ALPK2: variants seen among roughly 807,000 people sequenced by gnomAD.
ALPK2 encodes the protein alpha-protein kinase 2.
In ALPK2, 127 loss-of-function variants were observed where a neutral mutation model predicts 163.1. The ratio of observed to expected loss-of-function variants is 0.78; its 90% CI spans 0.67 to 0.90. The LOEUF (loss-of-function observed/expected upper bound fraction) is 0.90, where lower values mean the gene tolerates loss of function less well. Ranked by LOEUF, ALPK2 falls within the 40% of genes least tolerant of loss-of-function variation. The pLI is 0.00. For missense variants in ALPK2, 2,360 were observed against 2,589.6 expected (o/e 0.91, Z 1.92); for synonymous variants, 953 against 959.1 (o/e 0.99, Z 0.12).
intron 1 of ALPK2, among the ~76,000 whole-genome samples, chr18:58,621,770 T>C (rs1315774989): frequency 6.6e-6 from 1 of 152,210 alleles, no homozygotes; most frequent in East Asian, 1.9e-4. Context: ...TCTTTCTGGA[T>C]ACCTTGAATT....
intron 4 of ALPK2, among the ~76,000 whole-genome samples, chr18:58,553,063 A>G (rs1363396506): frequency 6.6e-6 from 1 of 152,164 alleles, no homozygotes; most frequent in Non-Finnish European, 1.5e-5. Flanking sequence ...GATTGGATTA[A>G]TGTTGGCTCC....
intron 10 of ALPK2, among the ~76,000 whole-genome samples, chr18:58,506,592 G>T (rs534306385): frequency 6.6e-6 from 1 of 152,256 alleles, no homozygotes; most frequent in East Asian, 1.9e-4. Flanking sequence ...GAGGGCAGAG[G>T]TGACTAAGAC....
At chr18:58,526,682 C>A (rs915413864) in intron 6 of ALPK2, among the ~76,000 whole-genome samples, 2 of 152,244 alleles carry the variant, frequency 1.3e-5, no homozygotes, top group Non-Finnish European at 2.9e-5. Context: ...CACTGCTACA[C>A]AGAGACTCAA....
chr18:58,606,081 A>G (rs962294048), intron 3 of ALPK2, among the ~76,000 whole-genome samples: 1 of 152,140 alleles, frequency 6.6e-6, no homozygotes, highest in Non-Finnish European at 1.5e-5. Context: ...ATTTATTTAC[A>G]TATTTACTTA....
At chr18:58,577,592 G>A (rs1456767783) in intron 4 of ALPK2, among the ~76,000 whole-genome samples, 2 of 152,240 alleles carry the variant, frequency 1.3e-5, no homozygotes, top group Non-Finnish European at 2.9e-5. Context: ...GGTCATTGGT[G>A]TGTGAGCTGC....
intron 4 of ALPK2, among the ~76,000 whole-genome samples, chr18:58,569,905 C>T (rs1486315922): frequency 3.3e-5 from 5 of 151,492 alleles, no homozygotes; most frequent in East Asian, 1.9e-4. Context: ...CTGAGGTGGG[C>T]GGATCACAAT....
chr18:58,509,853 T>C (rs2051481031), intron 10 of ALPK2, among the ~76,000 whole-genome samples: 1 of 151,558 alleles, frequency 6.6e-6, no homozygotes, highest in Non-Finnish European at 1.5e-5. Context: ...ACTCTGATGG[T>C]AGTTTCTTTT....
intron 1 of ALPK2, among the ~76,000 whole-genome samples, chr18:58,616,659 C>T (rs2144237564): frequency 6.6e-6 from 1 of 152,344 alleles, no homozygotes; most frequent in South Asian, 2.1e-4. Flanking sequence ...CACATCCCAA[C>T]TCCATGGGGA....
chr18:58,534,890 G>A lies in ALPK2; in HGVS notation c.5297C>T (p.Ser1766Leu). The change falls in exon 5 of 13, where the codon TCA becomes TTA. Residue 1766 changes from serine to leucine, a missense_variant. Coordinates refer to ENST00000361673, the MANE Select transcript of ALPK2 (RefSeq NM_052947.4). The part of the protein sequence containing the change: ...KKMPKLETSL[S>L]HTEEKQDPKK... ...TGGGTCTTGTTTCTCTTCTGTGTGT[G>A]ATAATGATGTTTCGAGTTTGGGCAT... 7 of 1,614,040 alleles carry A rather than the reference G, an allele frequency of 4.3e-6. No homozygotes were observed. The highest frequency in any genetic ancestry group is 5.9e-6 in the Non-Finnish European group (7 of 1,180,002).
chr18:58,536,357 T>A lies in ALPK2; in HGVS notation c.3830A>T (p.Asp1277Val). The A allele has an allele frequency of 6.2e-7, 1 of 1,614,178 alleles. No homozygotes were observed. The highest frequency in any genetic ancestry group is 8.5e-7 in the Non-Finnish European group (1 of 1,180,028). Residue 1277 changes from aspartate (D) to valine (V), a missense_variant, in exon 5 of 13, where the codon GAT becomes GTT. Physicochemically the swap from Asp to Val is radical, Grantham distance 152. Coordinates refer to ENST00000361673, the MANE Select transcript of ALPK2 (RefSeq NM_052947.4). ...CACAACAGCATCTGCCTTTAGACTA[T>A]CAGGTACAGCCCAGACCTTGTCAGG... ...IIPDKVWAVP[D>V]SLKADAVVPE... is the part of the protein sequence containing the mutation.
At chr18:58,540,452 G>C (rs983671392) in intron 4 of ALPK2, among the ~76,000 whole-genome samples, 3 of 152,150 alleles carry the variant, frequency 2.0e-5, no homozygotes. Context: ...AAGGGATAAG[G>C]TATTTTTTTA....
In ALPK2 at chr18:58,580,149, T is replaced by C. The variant is rs766500442; in HGVS notation, c.627A>G (p.Glu209=). The C allele has an allele frequency of 1.9e-6, 3 of 1,614,100 alleles. No individual in the cohort carries two copies. Among genetic ancestry groups the C allele is most frequent in the East Asian group, 2.2e-5 (1 of 44,908 alleles). Residue 209 remains glutamate, a synonymous_variant, in exon 4 of 13, where the codon GAA becomes GAG. Transcript: ENST00000361673. ...TGEAYDPSNT[E]EIANGLLFLN... is the part of the protein sequence containing the mutation. ...GAAAAAGCAACCCATTTGCAATTTC[T>C]TCTGTGTTACTTGGATCATAAGCCT...
At chr18:58,482,913 G>A (rs1221309283) in intron 12 of ALPK2, among the ~76,000 whole-genome samples, 1 of 152,158 alleles carries the variant, frequency 6.6e-6, no homozygotes, top group Admixed American at 6.5e-5. Flanking sequence ...CTGGGTTCTG[G>A]GCAGAATGTG....
intron 5 of ALPK2, among the ~76,000 whole-genome samples, chr18:58,532,861 G>T (rs771194734): frequency 6.6e-6 from 1 of 152,176 alleles, no homozygotes; most frequent in Non-Finnish European, 1.5e-5. Context: ...TCCAGGTACT[G>T]CCAGAGGCCA....
rs779745281 is a variant in ALPK2, at chr18:58,534,894, A to G, written c.5293T>C (p.Leu1765=). ...TCTTGTTTCTCTTCTGTGTGTGATA[A>G]TGATGTTTCGAGTTTGGGCATCTTT... is the stretch of plus-strand genomic sequence containing the variant. ...LKKMPKLETS[L]SHTEEKQDPK... The change falls in exon 5 of 13, where the codon TTA becomes CTA. Residue 1765 remains leucine, a synonymous_variant. Transcript: ENST00000361673. 1.2e-6 allele frequency: 2 copies of G among 1,614,066 alleles called. No homozygotes were observed. The highest frequency in any genetic ancestry group is 3.3e-5 in the Admixed American group (2 of 60,004).
intron 8 of ALPK2, among the ~76,000 whole-genome samples, chr18:58,520,936 A>G (rs1412195075): frequency 6.6e-6 from 1 of 152,212 alleles, no homozygotes; most frequent in Non-Finnish European, 1.5e-5. Context: ...GGATCATTAG[A>G]GTCCAGGAGG....
At chr18:58,586,599 C>A (rs1332075835) in intron 3 of ALPK2, among the ~76,000 whole-genome samples, 2 of 152,084 alleles carry the variant, frequency 1.3e-5, no homozygotes, top group Non-Finnish European at 2.9e-5. Flanking sequence ...GGGGCAGGAC[C>A]CAGTTGGGGC....
intron 11 of ALPK2, among the ~76,000 whole-genome samples, 159 bp from the exon 12 acceptor site, chr18:58,498,256 C>T (rs1214387893): frequency 2.0e-5 from 3 of 152,178 alleles, no homozygotes; most frequent in Admixed American, 1.3e-4. Flanking sequence ...CAGCTTTAGG[C>T]AGGGACCATG....
At chr18:58,512,924 GT>G (rs2051500194) in intron 10 of ALPK2, among the ~76,000 whole-genome samples, 2 of 132,054 alleles carry the variant, frequency 1.5e-5, no homozygotes, top group East Asian at 2.3e-4. Flanking sequence ...TGTGTGATGT[GT>G]GGGGTGTGTG....
Sources: allele counts gnomAD v4.1 joint callset (sites outside exome capture counted in the v4.1 genomes callset), GRCh38; gene constraint gnomAD v4.1.1; transcripts MANE v1.5; gene names NCBI Gene and HGNC (gene_info 2026-07-23, HGNC 2026-07-21).